Variants in DLGAP1 observed in about 807,000 individuals in gnomAD.
The protein encoded by DLGAP1 is DLG associated protein 1.
In DLGAP1, 11 loss-of-function variants were observed where a neutral mutation model predicts 90.8. The observed-to-expected ratio is 0.12, with a 90% CI of 0.08 to 0.20. DLGAP1 has a LOEUF of 0.20. Ranked by LOEUF, DLGAP1 falls within the 10% of genes least tolerant of loss-of-function variation. The probability of loss-of-function intolerance (pLI) is 1.00; values close to 1 mark genes in which losing one functional copy is unlikely to be tolerated. For missense variants in DLGAP1, 1,050 were observed against 1,333.8 expected (o/e 0.79, Z 3.31); for synonymous variants, 558 against 540.7 (o/e 1.03, Z -0.44).
rs547842874 is a variant in DLGAP1, at chr18:4,425,016, T to C, written c.-267+29990A>G. Among the ~76,000 whole-genome samples the C allele has an allele frequency of 5.3e-4, 72 of 136,406 alleles. No homozygotes were observed. The South Asian group carries it at 0.015, about 28-fold the overall frequency. The allele number at this position is 136,406 out of a possible 152,430, so 89.5% of individuals were successfully genotyped here. On this transcript the variant is annotated intron_variant, in intron 1 of 12. Coordinates refer to ENST00000315677, the MANE Select transcript of DLGAP1 (RefSeq NM_004746.4). The stretch of plus-strand genomic sequence containing the variant: ...ACTGCCTAGTATATACAAAAATCTT[T>C]GCAAGAATCCAGGGAGATGCAACAT...
chr18:3,741,850 T>G (rs886857346), intron 6 of DLGAP1, among the ~76,000 whole-genome samples: 8 of 152,050 alleles, frequency 5.3e-5, no homozygotes, highest in African/African-American at 1.9e-4. Flanking sequence ...TCTTTTTCTT[T>G]TTTTTTAACA....
rs187738505 is a variant in DLGAP1, at chr18:4,233,548, T to C, written c.-266-82261A>G. 7.6e-4 allele frequency among the ~76,000 whole-genome samples: 115 copies of C among 152,296 alleles called. 1 individual carries two copies. The highest frequency in any genetic ancestry group is 2.6e-3 in the Admixed American group (40 of 15,288). Reference sequence around the variant, plus strand: ...ATCACTGTTATTGTTAACCTCGGCCTGGTTACGATGTTGTATGCTGGCTCT... The same window carrying C: ...ATCACTGTTATTGTTAACCTCGGCCCGGTTACGATGTTGTATGCTGGCTCT... On this transcript the variant is annotated intron_variant, in intron 1 of 12. Coordinates refer to ENST00000315677, the MANE Select transcript of DLGAP1 (RefSeq NM_004746.4).
chr18:3,727,363 G>A lies in DLGAP1; in HGVS notation c.1591+1772C>T, dbSNP rs2062222107. Among the ~76,000 whole-genome samples the A allele has an allele frequency of 6.6e-6, 1 of 152,138 alleles. No homozygotes were observed. The highest frequency in any genetic ancestry group is 2.1e-4 in the South Asian group (1 of 4,818). On this transcript the variant is annotated intron_variant, in intron 7 of 12. Coordinates refer to ENST00000315677, the MANE Select transcript of DLGAP1 (RefSeq NM_004746.4). The surrounding 1 kb of genome is among the most constrained non-coding windows in gnomAD (Gnocchi z 4.7). ...AACACGCAAATCTGACAGGTGAGAA[G>A]AGAAAAACCATTCCAAGTCTCTTGC... is the stretch of plus-strand genomic sequence containing the variant.
chr18:4,031,425 C>T (rs949473620), intron 2 of DLGAP1, among the ~76,000 whole-genome samples: 2 of 152,112 alleles, frequency 1.3e-5, no homozygotes, highest in African/African-American at 2.4e-5. Flanking sequence ...AAAATAATGG[C>T]CCCCTCATGA....
At chr18:4,112,874 C>T (rs1025969269) in intron 2 of DLGAP1, among the ~76,000 whole-genome samples, 2 of 152,110 alleles carry the variant, frequency 1.3e-5, no homozygotes, top group East Asian at 1.9e-4. Context: ...ATTTTCTGTT[C>T]CCGTGTTAAT....
At chr18:3,741,076 CCACCAT>C (rs2062934780) in intron 6 of DLGAP1, among the ~76,000 whole-genome samples, 2 of 116,046 alleles carry the variant, frequency 1.7e-5, no homozygotes, top group Non-Finnish European at 1.8e-5. Context: ...ACCACCACCA[CCACCAT>C]CACCATCACC....
chr18:4,334,715 A>C (rs1170591856), intron 1 of DLGAP1, among the ~76,000 whole-genome samples: 1 of 151,884 alleles, frequency 6.6e-6, no homozygotes, highest in Non-Finnish European at 1.5e-5. Context: ...GGTTTGAAAC[A>C]ACAGTGGCTG....
At chr18:3,976,761 T>A (rs565427459) in intron 3 of DLGAP1, among the ~76,000 whole-genome samples, 2 of 152,336 alleles carry the variant, frequency 1.3e-5, no homozygotes, top group East Asian at 3.9e-4. Context: ...TTTTTAGCAT[T>A]TAATATACAA....
intron 1 of DLGAP1, among the ~76,000 whole-genome samples, chr18:4,444,721 A>C (rs528489761): frequency 6.6e-6 from 1 of 152,348 alleles, no homozygotes; most frequent in Admixed American, 6.5e-5. Context: ...TGATGTAAAA[A>C]GATGGTTGGC....
At chr18:4,212,207 A>G (rs1319669554) in intron 1 of DLGAP1, among the ~76,000 whole-genome samples, 1 of 152,150 alleles carries the variant, frequency 6.6e-6, no homozygotes, top group Non-Finnish European at 1.5e-5. Context: ...GGCAAAGGAC[A>G]CTGAACTCCA....
intron 3 of DLGAP1, among the ~76,000 whole-genome samples, chr18:3,927,034 A>G (rs994656548): frequency 3.9e-5 from 6 of 152,232 alleles, no homozygotes; most frequent in Non-Finnish European, 8.8e-5. Context: ...AATGAATAAT[A>G]ATTTAATAAA....
intron 5 of DLGAP1, among the ~76,000 whole-genome samples, chr18:3,786,027 T>C (rs967952373): frequency 1.3e-5 from 2 of 152,196 alleles, no homozygotes; most frequent in Admixed American, 6.5e-5. Flanking sequence ...CCTCCAATGC[T>C]TCCTTCTCTC....
intron 1 of DLGAP1, among the ~76,000 whole-genome samples, chr18:4,199,047 G>A (rs2077558375): frequency 6.6e-6 from 1 of 152,176 alleles, no homozygotes; most frequent in Non-Finnish European, 1.5e-5. Context: ...TTACAAGAAG[G>A]AGCCCTACCC....
At chr18:4,186,016 C>T (rs2144693947) in intron 1 of DLGAP1, among the ~76,000 whole-genome samples, 1 of 152,220 alleles carries the variant, frequency 6.6e-6, no homozygotes, top group Non-Finnish European at 1.5e-5. Context: ...TTTTGATTTG[C>T]ATTTCTTTAA....
chr18:3,616,356 A>G (rs1050785108), intron 7 of DLGAP1, among the ~76,000 whole-genome samples: 2 of 152,158 alleles, frequency 1.3e-5, no homozygotes, highest in African/African-American at 4.8e-5. Context: ...CGATGTGTAC[A>G]TGTACAGCCT....
rs138000744 is a variant in DLGAP1 at position 3,917,940 on chromosome 18, T to C, written c.-72-37800A>G. Among the ~76,000 whole-genome samples, 500 of 152,204 alleles carry C rather than the reference T, an allele frequency of 3.3e-3. 5 individuals are homozygous for C. The highest frequency in any genetic ancestry group is 0.011 in the African/African-American group (469 of 41,514). ...GGTGGTGAAGACTGTAGAAAGGAGA[T>C]AAAGAAAAGGAAACCAGGTTCAAGG... On this transcript the variant is annotated intron_variant, in intron 3 of 12. Coordinates refer to ENST00000315677, the MANE Select transcript of DLGAP1 (RefSeq NM_004746.4).
intron 1 of DLGAP1, among the ~76,000 whole-genome samples, chr18:4,194,256 T>C (rs1367115087): frequency 1.3e-5 from 2 of 152,164 alleles, no homozygotes; most frequent in African/African-American, 4.8e-5. Context: ...AAGCACGCAG[T>C]ATTTGGGTTT....
chr18:4,201,281 T>C (rs2077601727), intron 1 of DLGAP1, among the ~76,000 whole-genome samples: 2 of 152,154 alleles, frequency 1.3e-5, no homozygotes, highest in South Asian at 4.1e-4. Flanking sequence ...CTTTAATCCA[T>C]CTTCAGTTAG....
intron 1 of DLGAP1, among the ~76,000 whole-genome samples, chr18:4,310,333 G>A (rs575524881): frequency 5.3e-5 from 8 of 152,114 alleles, no homozygotes; most frequent in Non-Finnish European, 8.8e-5. Context: ...TATGCTCAAC[G>A]CATGCGTGTG....
Sources: gnomAD v4.1 joint callset for allele counts (sites outside exome capture counted in the v4.1 genomes callset) on GRCh38, gnomAD v4.1.1 for gene constraint, Gnocchi (gnomAD v3.1) non-coding constraint, MANE v1.5 for transcripts, NCBI Gene and HGNC (gene_info 2026-07-23, HGNC 2026-07-21) for gene names.